ERCC8: variants seen among roughly 807,000 people sequenced by gnomAD.
The protein encoded by ERCC8 is DNA excision repair protein ERCC-8.
Under a neutral mutation model 54.9 loss-of-function variants are expected in ERCC8, and 52 were observed. That is an observed-to-expected ratio of 0.95 (90% CI 0.76 to 1.19). The LOEUF (loss-of-function observed/expected upper bound fraction) is 1.19, where lower values mean the gene tolerates loss of function less well. Among genes scored for constraint, ERCC8 ranks in the 50% most tolerant of loss-of-function variants. The probability of loss-of-function intolerance (pLI) is 0.00; values close to 1 mark genes in which losing one functional copy is unlikely to be tolerated. For missense variants in ERCC8, 514 were observed against 466.1 expected, an observed-to-expected ratio of 1.10 and a Z score of -0.95; for synonymous variants, 146 against 157.2, an observed-to-expected ratio of 0.93 and a Z score of 0.53.
intron 11 of ERCC8, among the ~76,000 whole-genome samples, chr5:60,875,330 C>T (rs1444701735): frequency 6.6e-6 from 1 of 152,088 alleles, no homozygotes; most frequent in Non-Finnish European, 1.5e-5. Context: ...AATGGTAACA[C>T]GTTTATAGTC....
chr5:60,874,464 A>C lies in ERCC8; in HGVS notation c.*151T>G. On this transcript the variant is annotated 3_prime_UTR_variant, in exon 12 of 12. Transcript: ENST00000676185. ...ATACAGAAGTCTGTTTTAGGATTTT[A>C]TGCAAATATTAACCTCATTTTAAAA... The C allele has an allele frequency of 1.5e-6, 1 of 688,280 alleles. No individual in the cohort carries two copies. Among genetic ancestry groups the C allele is most frequent in the Non-Finnish European group, 2.5e-6 (1 of 398,516 alleles). 42.6% of individuals were successfully genotyped at this position (688,280 alleles called of 1,614,324 possible). A position where few individuals can be genotyped will look rare whatever the true frequency, so the allele number is the denominator to read the frequency against.
Position 60,874,700 on chromosome 5 carries a change from TAAAGAA to T in ERCC8, c.1123-23_1123-18del, listed in dbSNP as rs770019628. ...TGTTGTAGTCTAAAAAAAAAAAAGATAAAGAAAAAGGAAGATTCTGTTTTTTCTACT... is the reference window on the plus strand; with the variant it reads ...TGTTGTAGTCTAAAAAAAAAAAAGATAAAGGAAGATTCTGTTTTTTCTACT... On this transcript the variant is annotated intron_variant, in intron 11 of 11. Transcript: ENST00000676185. 95 of 1,567,086 alleles carry T rather than the reference TAAAGAA, an allele frequency of 6.1e-5. No homozygotes were observed. Among genetic ancestry groups the T allele is most frequent in the Non-Finnish European group, 8.2e-5 (94 of 1,149,212 alleles).
At chr5:60,943,405 T>C (rs1461491794) in intron 1 of ERCC8, among the ~76,000 whole-genome samples, 1 of 152,252 alleles carries the variant, frequency 6.6e-6, no homozygotes, top group Non-Finnish European at 1.5e-5. Flanking sequence ...AAAAGTTTGC[T>C]ACTAGCTTTT....
Position 60,867,545 on chromosome 5 carries a change from A to G in ERCC8, c.*7070T>C, listed in dbSNP as rs894205990. ...TACTCTGAATTTTGCATATATATGTAAGAAACCATTAGAATATTACAATAA... is the reference window on the plus strand; with the variant it reads ...TACTCTGAATTTTGCATATATATGTGAGAAACCATTAGAATATTACAATAA... On this transcript the variant is annotated 3_prime_UTR_variant, in exon 12 of 12. Transcript: ENST00000676185. Among the ~76,000 whole-genome samples the G allele has an allele frequency of 7.9e-5, 12 of 152,244 alleles. No individual in the cohort carries two copies. Among genetic ancestry groups the G allele is most frequent in the African/African-American group, 2.9e-4 (12 of 41,476 alleles).
chr5:60,911,843 T>C (rs1008470209), intron 4 of ERCC8, among the ~76,000 whole-genome samples: 12 of 152,184 alleles, frequency 7.9e-5, no homozygotes, highest in Non-Finnish European at 1.5e-4. Flanking sequence ...ATTTATTAAA[T>C]AGGGAATCCT....
chr5:60,883,883 C>T (rs1386428758), intron 11 of ERCC8, among the ~76,000 whole-genome samples: 1 of 152,214 alleles, frequency 6.6e-6, no homozygotes, highest in East Asian at 1.9e-4. Flanking sequence ...AACAGTCTGC[C>T]AACTAAATAA....
chr5:60,892,527 T>C, intron 9 of ERCC8: 1 of 613,802 alleles, frequency 1.6e-6, no homozygotes, highest in East Asian at 3.7e-5. Flanking sequence ...TTTGGCTGCC[T>C]GCTCCTGACT....
At chr5:60,900,181 G>A (rs1580003124) in intron 7 of ERCC8, among the ~76,000 whole-genome samples, 3 of 151,980 alleles carry the variant, frequency 2.0e-5, no homozygotes, top group East Asian at 3.9e-4. Context: ...TATAAAAAAC[G>A]GTAAGTGTAA....
At chr5:60,937,435 G>A (rs1307274428) in intron 1 of ERCC8, among the ~76,000 whole-genome samples, 3 of 152,178 alleles carry the variant, frequency 2.0e-5, no homozygotes, top group African/African-American at 7.2e-5. Context: ...GGTTAGGCAT[G>A]TCTGAGCTCA....
chr5:60,898,018 T>G (rs1748767786), intron 9 of ERCC8, among the ~76,000 whole-genome samples: 2 of 152,184 alleles, frequency 1.3e-5, no homozygotes, highest in African/African-American at 4.8e-5. Flanking sequence ...TATTTTTCTC[T>G]ACTACGCTTT....
chr5:60,899,826 T>C (rs1580002836), intron 7 of ERCC8, 99 bp from the exon 8 acceptor site: 1 of 837,064 alleles, frequency 1.2e-6, no homozygotes, highest in Non-Finnish European at 2.1e-6. Flanking sequence ...GGTCTCGTTA[T>C]ATAGGTACAT....
intron 9 of ERCC8, among the ~76,000 whole-genome samples, chr5:60,894,238 T>C (rs1748658716): frequency 6.6e-6 from 1 of 151,970 alleles, no homozygotes; most frequent in Non-Finnish European, 1.5e-5. Context: ...CCTGCCTTGA[T>C]CTCCCAAAGT....
intron 5 of ERCC8, among the ~76,000 whole-genome samples, chr5:60,904,234 T>C (rs1050385954): frequency 2.0e-5 from 3 of 152,042 alleles, no homozygotes; most frequent in African/African-American, 7.2e-5. Flanking sequence ...CAAGACAACT[T>C]AGTTCCTAGC....
chr5:60,868,504 TA>T lies in ERCC8; in HGVS notation c.*6110del, dbSNP rs1747799345. Among the ~76,000 whole-genome samples, 1 of 152,214 alleles carries T rather than the reference TA, an allele frequency of 6.6e-6. No individual in the cohort carries two copies. Among genetic ancestry groups the T allele is most frequent in the African/African-American group, 2.4e-5 (1 of 41,468 alleles). On this transcript the variant is annotated 3_prime_UTR_variant, in exon 12 of 12. Transcript: ENST00000676185. ...ATTTTACCCCCTTCCTTTGAAATTT[TA>T]ATTGTCTAATTATTAGGTTGGTGCA...
At chr5:60,881,462 A>G (rs1438228175) in intron 11 of ERCC8, among the ~76,000 whole-genome samples, 1 of 152,174 alleles carries the variant, frequency 6.6e-6, no homozygotes, top group Non-Finnish European at 1.5e-5. Flanking sequence ...CCAGAGGTGA[A>G]GTCTACAGAG....
chr5:60,880,531 T>G (rs1236011215), intron 11 of ERCC8, among the ~76,000 whole-genome samples: 1 of 152,232 alleles, frequency 6.6e-6, no homozygotes, highest in Non-Finnish European at 1.5e-5. Flanking sequence ...TCTTTTCACA[T>G]AGTCCCATAT....
intron 4 of ERCC8, chr5:60,917,644 G>C (rs1749475797): frequency 6.6e-6 from 1 of 152,352 alleles, no homozygotes; most frequent in African/African-American, 2.4e-5. Context: ...AATGAGATGT[G>C]ATCATGTTCA....
chr5:60,907,187 CA>C (rs1296345871), intron 4 of ERCC8: 2 of 152,282 alleles, frequency 1.3e-5, no homozygotes, highest in African/African-American at 4.8e-5. Flanking sequence ...ATCTTCTCCA[CA>C]AATATACCAA....
rs762621931 is a variant in ERCC8, at chr5:60,887,496, A to G, written c.1066T>C (p.Cys356Arg). The G allele has an allele frequency of 3.1e-6, 5 of 1,614,014 alleles. No homozygotes were observed. Among genetic ancestry groups the G allele is most frequent in the Non-Finnish European group, 4.2e-6 (5 of 1,179,868 alleles). The change falls in exon 11 of 12, where the codon TGC becomes CGC. Residue 356 changes from cysteine to arginine, a missense_variant. Coordinates refer to ENST00000676185, the MANE Select transcript of ERCC8 (RefSeq NM_000082.4). ...GATGGAACCCAAGCCAGAATGTTGC[A>G]GTCTCTGCTACCACTATAAAGTTCC... ...FQELYSGSRD[C>R]NILAWVPSLY...
Sources: allele counts gnomAD v4.1 joint callset (sites outside exome capture counted in the v4.1 genomes callset), GRCh38; gene constraint gnomAD v4.1.1; transcripts MANE v1.5; gene names NCBI Gene and HGNC (gene_info 2026-07-23, HGNC 2026-07-21).